The following ATP8A2 variants were observed in gnomAD, a reference collection of about 807,000 sequenced individuals.
ATP8A2 encodes ATPase phospholipid transporting 8A2, also known as phospholipid-transporting ATPase IB.
ATP8A2 carries 100 observed loss-of-function variants against 165.6 expected under a neutral mutation model. The observed-to-expected ratio is 0.60, with a 90% CI of 0.51 to 0.71. ATP8A2 has a LOEUF of 0.71. Ranked by LOEUF, ATP8A2 falls within the 30% of genes least tolerant of loss-of-function variation. The pLI is 0.00. For synonymous variants in ATP8A2, 543 were observed against 548.8 expected (o/e 0.99, Z 0.15); for missense variants, 1,227 against 1,479.5 (o/e 0.83, Z 2.80).
intron 16 of ATP8A2, among the ~76,000 whole-genome samples, chr13:25,568,076 C>A (rs2039367639): frequency 6.6e-6 from 1 of 152,198 alleles, no homozygotes; most frequent in South Asian, 2.1e-4. Context: ...CCATTTGCTA[C>A]AGAATTTTCT....
At chr13:25,450,573 C>T (rs891997789) in intron 1 of ATP8A2, among the ~76,000 whole-genome samples, 5 of 152,080 alleles carry the variant, frequency 3.3e-5, no homozygotes, top group African/African-American at 1.2e-4. Flanking sequence ...GCTCTGTCGC[C>T]CAGGCTGGAG....
intron 26 of ATP8A2, among the ~76,000 whole-genome samples, chr13:25,772,731 A>T (rs568444023): frequency 2.7e-4 from 41 of 150,842 alleles, no homozygotes; most frequent in East Asian, 9.7e-4. Context: ...ACATTTAATT[A>T]ATTAATTTAT....
At chr13:25,885,472 G>C (rs1352508060) in intron 33 of ATP8A2, among the ~76,000 whole-genome samples, 2 of 151,896 alleles carry the variant, frequency 1.3e-5, no homozygotes, top group Admixed American at 6.6e-5. Context: ...CCTTCTTTTG[G>C]GGTGGCTGGC....
At chr13:25,537,948 T>G in intron 6 of ATP8A2, 40 bp from the exon 7 acceptor site, 4 of 1,446,056 alleles carry the variant, frequency 2.8e-6, no homozygotes, top group Non-Finnish European at 3.9e-6. Context: ...TTTTGTTTCT[T>G]TTCTTTCGTG....
At chr13:25,419,504 A>AT (rs5802335) in intron 1 of ATP8A2, among the ~76,000 whole-genome samples, 1 of 151,980 alleles carries the variant, frequency 6.6e-6, no homozygotes, top group Non-Finnish European at 1.5e-5. Context: ...CTGTTTTAGC[A>AT]TTTTTTATGC....
intron 4 of ATP8A2, among the ~76,000 whole-genome samples, chr13:25,531,420 GAT>G (rs1207253334): frequency 4.6e-4 from 15 of 32,790 alleles, no homozygotes; most frequent in South Asian, 1.6e-3. Flanking sequence ...TTATATATAT[GAT>G]ATATATATGA....
chr13:26,019,358 C>G (rs1308728853), intron 36 of ATP8A2, among the ~76,000 whole-genome samples: 1 of 152,206 alleles, frequency 6.6e-6, no homozygotes, highest in African/African-American at 2.4e-5. Flanking sequence ...GATCGCGCCA[C>G]TGCACTCCAG....
At chr13:25,930,236 T>C (rs956182354) in intron 33 of ATP8A2, among the ~76,000 whole-genome samples, 1 of 152,298 alleles carries the variant, frequency 6.6e-6, no homozygotes, top group East Asian at 1.9e-4. Flanking sequence ...AATCAAACCA[T>C]GTTCCTTCTC....
chr13:25,519,556 A>G (rs2037593034), intron 2 of ATP8A2, among the ~76,000 whole-genome samples: 1 of 152,110 alleles, frequency 6.6e-6, no homozygotes, highest in African/African-American at 2.4e-5. Context: ...AATCCCGGTC[A>G]TCTTCATGTC....
intron 33 of ATP8A2, among the ~76,000 whole-genome samples, chr13:25,908,459 C>G (rs1954011680): frequency 6.6e-6 from 1 of 152,216 alleles, no homozygotes; most frequent in Admixed American, 6.5e-5. Context: ...AGTAATGAAG[C>G]CGAGATTGTT....
chr13:25,539,239 G>C (rs1029113501), intron 7 of ATP8A2, among the ~76,000 whole-genome samples: 2 of 151,994 alleles, frequency 1.3e-5, no homozygotes, highest in African/African-American at 4.8e-5. Flanking sequence ...TGGGACCACA[G>C]GTGCATGCCA....
chr13:25,519,360 C>T (rs1424034800), intron 2 of ATP8A2, among the ~76,000 whole-genome samples: 2 of 151,992 alleles, frequency 1.3e-5, no homozygotes, highest in Non-Finnish European at 2.9e-5. Flanking sequence ...ACGATCTATG[C>T]TGTTATGTGT....
chr13:25,464,675 A>G (rs947770280), intron 1 of ATP8A2, among the ~76,000 whole-genome samples: 1 of 152,168 alleles, frequency 6.6e-6, no homozygotes, highest in Non-Finnish European at 1.5e-5. Context: ...ATGGTATTGC[A>G]CGGTATGACC....
At chr13:25,551,070 C>T (rs968867473) in intron 10 of ATP8A2, among the ~76,000 whole-genome samples, 1 of 152,096 alleles carries the variant, frequency 6.6e-6, no homozygotes, top group Non-Finnish European at 1.5e-5. Flanking sequence ...CAATTATATG[C>T]TAAGATATAA....
intron 27 of ATP8A2, among the ~76,000 whole-genome samples, chr13:25,801,599 C>G (rs1950623243): frequency 6.6e-6 from 1 of 152,052 alleles, no homozygotes; most frequent in Non-Finnish European, 1.5e-5. Context: ...TTGCCAGAGG[C>G]CTTGAATTTG....
chr13:25,580,670 A>G (rs1318740344), intron 22 of ATP8A2, among the ~76,000 whole-genome samples: 1 of 152,128 alleles, frequency 6.6e-6, no homozygotes, highest in Non-Finnish European at 1.5e-5. Flanking sequence ...AATAGCTGGG[A>G]CTACAGTCTC....
At chr13:26,015,215 T>C (rs1001461805) in intron 36 of ATP8A2, among the ~76,000 whole-genome samples, 11 of 152,230 alleles carry the variant, frequency 7.2e-5, no homozygotes, top group African/African-American at 2.2e-4. Flanking sequence ...CAGTGACTAG[T>C]ACCAGAACCT....
At chr13:25,412,836 G>T (rs754072224) in intron 1 of ATP8A2, among the ~76,000 whole-genome samples, 1 of 152,078 alleles carries the variant, frequency 6.6e-6, no homozygotes, top group Non-Finnish European at 1.5e-5. Flanking sequence ...TTTTTTTTGG[G>T]GGGGGATGGA....
intron 1 of ATP8A2, among the ~76,000 whole-genome samples, chr13:25,459,988 G>A (rs2035463433): frequency 1.3e-5 from 2 of 152,122 alleles, no homozygotes. Context: ...GATCACCTGA[G>A]GTCAGGAGTT....
Sources: allele counts gnomAD v4.1 joint callset (sites outside exome capture counted in the v4.1 genomes callset), GRCh38; gene constraint gnomAD v4.1.1; transcripts MANE v1.5; gene names NCBI Gene and HGNC (gene_info 2026-07-23, HGNC 2026-07-21).